RAPGEFL1: variants seen among roughly 807,000 people sequenced by gnomAD.
RAPGEFL1 encodes the protein Rap guanine nucleotide exchange factor like 1.
A neutral mutation model predicts 64.4 loss-of-function variants in RAPGEFL1; 31 were observed. The observed-to-expected ratio is 0.48, with a 90% CI of 0.36 to 0.65. The LOEUF is 0.65. Ranked by LOEUF, RAPGEFL1 falls within the 30% of genes least tolerant of loss-of-function variation. The pLI, the probability that RAPGEFL1 is intolerant of heterozygous loss-of-function variation, is 0.00. For missense variants in RAPGEFL1, 682 were observed against 677.4 expected (o/e 1.01, Z -0.08); for synonymous variants, 331 against 274.1 (o/e 1.21, Z -2.05).
At chr17:40,181,416 G>A (rs763491674) in intron 1 of RAPGEFL1, 200 bp from the exon 2 acceptor site, 64 of 601,956 alleles carry the variant, frequency 1.1e-4, no homozygotes, top group Middle Eastern at 2.6e-4. Flanking sequence ...GGCAGCTGCC[G>A]AACCCACCCT....
At chr17:40,187,559 G>A (rs1163827260) in intron 4 of RAPGEFL1, among the ~76,000 whole-genome samples, 4 of 151,294 alleles carry the variant, frequency 2.6e-5, no homozygotes, top group Admixed American at 1.3e-4. Flanking sequence ...CTGCGCTCTC[G>A]AACTTCCCAT....
At chr17:40,193,547 C>T (rs1390309088) in intron 14 of RAPGEFL1, 117 bp from the exon 15 acceptor site, 2 of 1,582,238 alleles carry the variant, frequency 1.3e-6, no homozygotes, top group Non-Finnish European at 1.7e-6. Context: ...CTTGCCTCTG[C>T]AGAGGCCTTC....
Position 40,188,846 on chromosome 17 carries a change from C to T in RAPGEFL1, c.834-20C>T. The stretch of plus-strand genomic sequence containing the variant: ...ATATGCCTGGCAGGGCGTGCTGATG[C>T]CCAGCTGTGTCCATGCCAGGATTCC... On this transcript the variant is annotated intron_variant, in intron 4 of 14. Coordinates refer to ENST00000620260, the MANE Select transcript of RAPGEFL1 (RefSeq NM_016339.6). 6.2e-7 allele frequency: 1 copy of T among 1,604,594 alleles called. No individual in the cohort carries two copies. Among genetic ancestry groups the T allele is most frequent in the Non-Finnish European group, 8.5e-7 (1 of 1,171,474 alleles).
At chr17:40,188,493 C>T in intron 4 of RAPGEFL1, 1 of 294,182 alleles carries the variant, frequency 3.4e-6, no homozygotes, top group Non-Finnish European at 6.6e-6. Context: ...GTGTGTTAGG[C>T]CCTGGTGGAT....
intron 4 of RAPGEFL1, among the ~76,000 whole-genome samples, chr17:40,185,461 C>T (rs1344327544): frequency 2.1e-5 from 3 of 140,976 alleles, no homozygotes; most frequent in Non-Finnish European, 4.5e-5. Context: ...GGGTGGAGCA[C>T]TTAAGGTCAG....
In RAPGEFL1 at chr17:40,177,525, C is replaced by A; in HGVS notation, c.-337C>A. ...CCGCCGCCGCCGCCGCCGCCGCGTC[C>A]TCTCAGCCTTGCGCTCCGCCCGCTG... On this transcript the variant is annotated 5_prime_UTR_variant, in exon 1 of 15. Transcript: ENST00000620260. 1 of 586,734 alleles carries A rather than the reference C, an allele frequency of 1.7e-6. No individual in the cohort carries two copies. Among genetic ancestry groups the A allele is most frequent in the Non-Finnish European group, 3.0e-6 (1 of 331,342 alleles). 36.3% of individuals were successfully genotyped at this position (586,734 alleles called of 1,614,324 possible). A position where few individuals can be genotyped will look rare whatever the true frequency, so the allele number is the denominator to read the frequency against.
chr17:40,185,540 A>AAT lies in RAPGEFL1; in HGVS notation c.833+862_833+863insAT, dbSNP rs368909635. 9.1e-3 allele frequency among the ~76,000 whole-genome samples: 1,335 copies of AAT among 147,408 alleles called. 47 individuals carry two copies. The highest frequency in any genetic ancestry group is 0.032 in the African/African-American group (1,223 of 38,678). The stretch of plus-strand genomic sequence containing the variant: ...ACTACAAAAAAAAAAAAAAAAAAAA[A>AAT]GGCTGTGTGCCAAGGCAGGCAGATC... On this transcript the variant is annotated intron_variant, in intron 4 of 14. Transcript: ENST00000620260.
At chr17:40,181,161 C>T (rs148978161) in intron 1 of RAPGEFL1, 76 of 372,808 alleles carry the variant, frequency 2.0e-4, no homozygotes, top group African/African-American at 1.4e-3. Flanking sequence ...AGTTAGAACT[C>T]AAAGCTGTTA....
rs1319921060 is a variant in RAPGEFL1 at position 40,178,113 on chromosome 17, A to G, written c.252A>G (p.Glu84=). The G allele has an allele frequency of 1.8e-6, 1 of 563,690 alleles. No homozygotes were observed. The highest frequency in any genetic ancestry group is 3.1e-6 in the Non-Finnish European group (1 of 322,368). 34.9% of individuals were successfully genotyped at this position (563,690 alleles called of 1,614,324 possible). Residue 84 remains glutamate, a synonymous_variant, in exon 1 of 15, where the codon GAA becomes GAG. Transcript: ENST00000620260. ...GGCTGGAGCCGCCCCCTGAGGAGGAAGGAGGAGAGCCGGCGGGGGTCGCGG... is the reference window on the plus strand; with the variant it reads ...GGCTGGAGCCGCCCCCTGAGGAGGAGGGAGGAGAGCCGGCGGGGGTCGCGG... ...EPGLEPPPEE[E]GGEPAGVAEE...
At chr17:40,192,393 T>C in intron 11 of RAPGEFL1, 130 bp downstream of exon 11, 1 of 1,118,788 alleles carries the variant, frequency 8.9e-7, no homozygotes, top group East Asian at 2.4e-5. Flanking sequence ...CTCCTTACCA[T>C]GCTGGAGGGT....
In RAPGEFL1 at chr17:40,181,622, T is replaced by C; in HGVS notation, c.527T>C (p.Leu176Pro). 1 of 702,848 alleles carries C rather than the reference T, an allele frequency of 1.4e-6. No individual in the cohort carries two copies. Among genetic ancestry groups the C allele is most frequent in the Non-Finnish European group, 2.6e-6 (1 of 384,860 alleles). 43.5% of individuals were successfully genotyped at this position (702,848 alleles called of 1,614,324 possible). ...ATRDSAASDI[L>P]LDDIVLTHSL... ...TGCCCACTGATCTTTACAGATATCC[T>C]GCTGGATGACATTGTCCTTACCCAT... The change falls in exon 2 of 15, where the codon CTG becomes CCG. Residue 176 changes from leucine (L) to proline (P), a missense_variant. By Grantham distance (98) the Leu-to-Pro change is moderately conservative. Transcript: ENST00000620260.
intron 2 of RAPGEFL1, among the ~76,000 whole-genome samples, chr17:40,181,927 G>T (rs911646243): frequency 1.3e-5 from 2 of 151,872 alleles, no homozygotes; most frequent in African/African-American, 4.8e-5. Flanking sequence ...ACTAAAAATA[G>T]AAAAAATTAG....
At chr17:40,180,741 G>A (rs79281485) in intron 1 of RAPGEFL1, among the ~76,000 whole-genome samples, 52 of 152,264 alleles carry the variant, frequency 3.4e-4, no homozygotes, top group African/African-American at 1.2e-3. Context: ...TTCCTCCTCC[G>A]CCTGCATGGC....
intron 2 of RAPGEFL1, among the ~76,000 whole-genome samples, chr17:40,183,058 G>T (rs556482276): frequency 6.6e-6 from 1 of 152,268 alleles, no homozygotes; most frequent in African/African-American, 2.4e-5. Flanking sequence ...TGAGGCAGGA[G>T]AATCGCTTGA....
At chr17:40,183,375 C>T (rs920700927) in intron 2 of RAPGEFL1, among the ~76,000 whole-genome samples, 6 of 152,022 alleles carry the variant, frequency 3.9e-5, no homozygotes, top group South Asian at 2.1e-4. Context: ...AAGTGGTCAT[C>T]GCTACCTACT....
rs1989783688 is a variant in RAPGEFL1, at chr17:40,178,265, A to T, written c.404A>T (p.Glu135Val). 1.7e-5 allele frequency: 11 copies of T among 648,102 alleles called. No homozygotes were observed. Among genetic ancestry groups the T allele is most frequent in the Non-Finnish European group, 2.8e-5 (10 of 356,316 alleles). The allele number at this position is 648,102 out of a possible 1,614,324, so 40.1% of individuals were successfully genotyped here. A position where few individuals can be genotyped will look rare whatever the true frequency, so the allele number is the denominator to read the frequency against. The change falls in exon 1 of 15, where the codon GAG becomes GTG. Residue 135 changes from glutamate (E) to valine (V), a missense_variant. By Grantham distance (121) the Glu-to-Val change is moderately radical. Transcript: ENST00000620260. ...SYSSDELSPG[E>V]PLTSPPWAPL... ...TCATCTGACGAGCTGTCCCCAGGCG[A>T]GCCCTTGACTTCGCCGCCCTGGGCC...
At chr17:40,181,402 C>T (rs1989890394) in intron 1 of RAPGEFL1, 1 of 639,836 alleles carries the variant, frequency 1.6e-6, no homozygotes, top group Non-Finnish European at 2.9e-6. Context: ...CCTTCAGCTG[C>T]CTTGGCAGCT....
intron 7 of RAPGEFL1, 24 bp from the exon 8 acceptor site, chr17:40,190,616 C>T (rs1990226426): frequency 6.2e-7 from 1 of 1,613,986 alleles, no homozygotes; most frequent in African/African-American, 1.3e-5. Flanking sequence ...GGAGCCCAGC[C>T]CCTATGCCCC....
Position 40,193,606 on chromosome 17 carries a change from T to A in RAPGEFL1, c.1865-58T>A, listed in dbSNP as rs761981564. On this transcript the variant is annotated intron_variant, in intron 14 of 14. Transcript: ENST00000620260. ...ACAGCCTGATCTTCTGCCCGGTGTG[T>A]GTGTAGAGGAAGAAGGGAAGCTGGG... The A allele has an allele frequency of 1.9e-6, 3 of 1,612,746 alleles. No individual in the cohort carries two copies. The South Asian group carries it at 3.3e-5, about 18-fold the overall frequency.
Sources: gnomAD v4.1 joint callset for allele counts (sites outside exome capture counted in the v4.1 genomes callset) on GRCh38, gnomAD v4.1.1 for gene constraint, MANE v1.5 for transcripts, NCBI Gene and HGNC (gene_info 2026-07-23, HGNC 2026-07-21) for gene names.